Variants in CUX1 observed in about 807,000 individuals in gnomAD.
The protein encoded by CUX1 is protein CASP.
A neutral mutation model predicts 158.8 loss-of-function variants in CUX1; 31 were observed. The ratio of observed to expected loss-of-function variants is 0.20; its 90% CI spans 0.15 to 0.26. The LOEUF (loss-of-function observed/expected upper bound fraction) is 0.26. Among genes scored for constraint, CUX1 ranks in the 10% least tolerant of loss-of-function variants. The pLI, the probability that CUX1 is intolerant of heterozygous loss-of-function variation, is 1.00. For synonymous variants in CUX1, 879 were observed against 862.1 expected (o/e 1.02, Z -0.34); for missense variants, 1,589 against 2,014.6 (o/e 0.79, Z 4.04).
At chr7:102,098,488 G>A (rs1047497431) in intron 5 of CUX1, among the ~76,000 whole-genome samples, 5 of 152,046 alleles carry the variant, frequency 3.3e-5, no homozygotes, top group Non-Finnish European at 1.5e-5. Flanking sequence ...GTGCACACCC[G>A]TGGTCCCAGC....
chr7:102,270,167 G>A (rs1391566138), intron 14 of CUX1, among the ~76,000 whole-genome samples: 1 of 152,236 alleles, frequency 6.6e-6, no homozygotes, highest in African/African-American at 2.4e-5. Context: ...CCCGGTTCTG[G>A]ACTTGACATC....
At chr7:102,088,415 T>C (rs1222552315) in intron 4 of CUX1, among the ~76,000 whole-genome samples, 1 of 152,066 alleles carries the variant, frequency 6.6e-6, no homozygotes, top group Non-Finnish European at 1.5e-5. Context: ...GGCAGATCGC[T>C]TGAGGTCTGG....
rs1554528937 is a variant in CUX1, at chr7:102,227,352, G to C, written c.3131-15G>C. On this transcript the variant is annotated splice_polypyrimidine_tract_variant and intron_variant, in intron 20 of 23. Transcript: ENST00000292535. ...GCTATTTTCAGGCACGGTTTCTCGT[G>C]TGCTTTAATTACAGAAAGCACTCCA... 3 of 1,591,394 alleles carry C rather than the reference G, an allele frequency of 1.9e-6. No homozygotes were observed. The South Asian group carries it at 3.3e-5, about 18-fold the overall frequency.
At chr7:102,011,901 T>C (rs1249441499) in intron 2 of CUX1, among the ~76,000 whole-genome samples, 1 of 151,364 alleles carries the variant, frequency 6.6e-6, no homozygotes, top group African/African-American at 2.4e-5. Context: ...CGCTGGTCCC[T>C]GGGTTCAAGT....
chr7:102,173,146 G>A (rs1791920389), intron 10 of CUX1, among the ~76,000 whole-genome samples: 1 of 152,160 alleles, frequency 6.6e-6, no homozygotes, highest in South Asian at 2.1e-4. Flanking sequence ...GATCACCTGA[G>A]ATCAGGAGTT....
intron 2 of CUX1, among the ~76,000 whole-genome samples, chr7:101,934,904 A>G (rs918193152): frequency 5.3e-5 from 8 of 151,954 alleles, no homozygotes; most frequent in African/African-American, 1.9e-4. Flanking sequence ...CGTGTTCTCT[A>G]GGAGTAGAGG....
At chr7:102,189,764 C>T (rs17135077) in intron 11 of CUX1, 49 bp from the exon 12 acceptor site, 82,387 of 1,598,640 alleles carry the variant, frequency 0.052, 2,475 homozygotes, top group African/African-American at 0.12. Context: ...TGAAGTCCGT[C>T]GACCTGTTGT....
intron 8 of CUX1, among the ~76,000 whole-genome samples, chr7:102,134,773 A>G (rs1554498270): frequency 6.6e-6 from 1 of 151,484 alleles, no homozygotes; most frequent in Non-Finnish European, 1.5e-5. Context: ...AATTCTTTTT[A>G]TTTTTAGAGA....
intron 2 of CUX1, among the ~76,000 whole-genome samples, chr7:101,990,004 G>C (rs535799251): frequency 2.0e-5 from 3 of 152,352 alleles, no homozygotes; most frequent in African/African-American, 7.2e-5. Context: ...ACTGTGGAGA[G>C]ACTCCATTGT....
rs1801497359 is a variant in CUX1 at position 102,251,494 on chromosome 7, C to T, written c.*2452C>T. 2 of 985,178 alleles carry T rather than the reference C, an allele frequency of 2.0e-6. No homozygotes were observed. The highest frequency in any genetic ancestry group is 4.7e-5 in the South Asian group (1 of 21,274). 61.0% of individuals were successfully genotyped at this position (985,178 alleles called of 1,614,324 possible). A position where few individuals can be genotyped will look rare whatever the true frequency, so the allele number is the denominator to read the frequency against. ...TCATGAATAAGAAGTTTTCAGAAGG[C>T]TCTAGGGGGCTGGGAGGCAGGCTGT... On this transcript the variant is annotated 3_prime_UTR_variant, in exon 24 of 24. Transcript: ENST00000292535.
intron 1 of CUX1, among the ~76,000 whole-genome samples, chr7:101,894,617 C>T (rs1043827647): frequency 3.9e-5 from 6 of 152,146 alleles, no homozygotes; most frequent in Admixed American, 6.5e-5. Context: ...CGGCCTATGG[C>T]GCAGGTTTTA....
chr7:101,919,435 C>T (rs547507112), intron 2 of CUX1, among the ~76,000 whole-genome samples: 1 of 152,216 alleles, frequency 6.6e-6, no homozygotes, highest in East Asian at 1.9e-4. Context: ...AGAAACGAGG[C>T]TTGCTTAGAG....
chr7:102,224,075 C>CA (rs1798108281), intron 20 of CUX1, among the ~76,000 whole-genome samples: 1 of 152,188 alleles, frequency 6.6e-6, no homozygotes, highest in Non-Finnish European at 1.5e-5. Flanking sequence ...CATGCCTGTG[C>CA]AAAAAACATG....
chr7:101,878,798 G>A (rs1420714219), intron 1 of CUX1, among the ~76,000 whole-genome samples: 1 of 151,900 alleles, frequency 6.6e-6, no homozygotes, highest in Non-Finnish European at 1.5e-5. Flanking sequence ...TGAGCCTCCT[G>A]AGTAGCTGGG....
At chr7:102,145,597 C>T (rs1834946204) in intron 8 of CUX1, among the ~76,000 whole-genome samples, 1 of 152,070 alleles carries the variant, frequency 6.6e-6, no homozygotes, top group Non-Finnish European at 1.5e-5. Context: ...TTTCATGGCT[C>T]CTCCTGTATA....
chr7:102,055,752 C>G (rs1011350695), intron 3 of CUX1, among the ~76,000 whole-genome samples: 7 of 152,122 alleles, frequency 4.6e-5, no homozygotes, highest in African/African-American at 1.7e-4. Context: ...AAGTCAAAAG[C>G]TAGAAATGAT....
intron 8 of CUX1, among the ~76,000 whole-genome samples, chr7:102,142,458 C>A (rs994584048): frequency 1.3e-5 from 2 of 152,144 alleles, no homozygotes; most frequent in African/African-American, 4.8e-5. Context: ...CCTAAACAGC[C>A]TTTAAAAGTC....
intron 1 of CUX1, among the ~76,000 whole-genome samples, chr7:101,911,832 AG>A (rs1472132241): frequency 6.6e-6 from 1 of 152,216 alleles, no homozygotes; most frequent in Non-Finnish European, 1.5e-5. Flanking sequence ...ACGGCTGCCA[AG>A]GGGCCGGCTG....
At chr7:102,030,011 ATGCTTTTTTTTTTTTT>A (rs1256277205) in intron 3 of CUX1, among the ~76,000 whole-genome samples, 1 of 149,596 alleles carries the variant, frequency 6.7e-6, no homozygotes, top group African/African-American at 2.4e-5. Context: ...GAATACCTGT[ATGCTTTTTTTTTTTTT>A]TGAGACAGAT....
Sources: gnomAD v4.1 joint callset for allele counts (sites outside exome capture counted in the v4.1 genomes callset) on GRCh38, gnomAD v4.1.1 for gene constraint, MANE v1.5 for transcripts, NCBI Gene and HGNC (gene_info 2026-07-23, HGNC 2026-07-21) for gene names.